ARHGAP21: variants seen among roughly 807,000 people sequenced by gnomAD.
The protein encoded by ARHGAP21 is rho GTPase-activating protein 21.
A neutral mutation model predicts 164.6 loss-of-function variants in ARHGAP21; 38 were observed. The observed-to-expected ratio is 0.23, with a 90% CI of 0.18 to 0.30. The LOEUF (loss-of-function observed/expected upper bound fraction) is 0.30, where lower values mean the gene tolerates loss of function less well. ARHGAP21 is among the 10% of genes least tolerant of loss of function. The pLI is 1.00. For synonymous variants in ARHGAP21, 766 were observed against 857.9 expected (o/e 0.89, Z 1.87); for missense variants, 1,822 against 2,370.7 (o/e 0.77, Z 4.81).
chr10:24,587,339 C>CCACA, intron 25 of ARHGAP21, among the ~76,000 whole-genome samples: 1 of 152,060 alleles, frequency 6.6e-6, no homozygotes, highest in African/African-American at 2.4e-5. Context: ...TGCTGGTTTA[C>CCACA]CACACACTTT....
chr10:24,617,937 T>C (rs1035152411), intron 9 of ARHGAP21, among the ~76,000 whole-genome samples: 3 of 152,116 alleles, frequency 2.0e-5, no homozygotes, highest in Non-Finnish European at 4.4e-5. Context: ...AGCCCCTGCA[T>C]CGCATGCCTC....
At chr10:24,683,095 CAAAAA>C (rs200968718) in intron 2 of ARHGAP21, among the ~76,000 whole-genome samples, 36,741 of 88,718 alleles carry the variant, frequency 0.41, 5,412 homozygotes, top group African/African-American at 0.55. Flanking sequence ...AACTCCATCT[CAAAAA>C]AAAAAAAAAA....
intron 5 of ARHGAP21, among the ~76,000 whole-genome samples, chr10:24,634,296 T>C (rs1425448742): frequency 6.6e-6 from 1 of 152,162 alleles, no homozygotes. Flanking sequence ...ATCTTAGCAA[T>C]GATGTCCACT....
At chr10:24,662,627 T>A (rs1273154978) in intron 4 of ARHGAP21, among the ~76,000 whole-genome samples, 11 of 152,240 alleles carry the variant, frequency 7.2e-5, no homozygotes, top group Admixed American at 7.2e-4. Flanking sequence ...GTATTATAAA[T>A]CACTTTCTCC....
At position 24,653,312 on chromosome 10, in the gene ARHGAP21, C is replaced by T. The variant is rs574043890; in HGVS notation, c.268+13673G>A. Among the ~76,000 whole-genome samples, 545 of 152,200 alleles carry T rather than the reference C, an allele frequency of 3.6e-3. 4 individuals are homozygous for T. The highest frequency in any genetic ancestry group is 0.02 in the Middle Eastern group (6 of 294). ...GGTCTTGGCCAGGCGCAGTGGCTCA[C>T]GCCTGTAATCCCAGCACTTTGGGAG... is the stretch of plus-strand genomic sequence containing the variant. On this transcript the variant is annotated intron_variant, in intron 4 of 25. Coordinates refer to ENST00000396432, the MANE Select transcript of ARHGAP21 (RefSeq NM_020824.4).
chr10:24,597,576 C>G lies in ARHGAP21; in HGVS notation c.3205G>C (p.Glu1069Gln), dbSNP rs754805809. The G allele has an allele frequency of 6.2e-7, 1 of 1,613,904 alleles. No homozygotes were observed. The highest frequency in any genetic ancestry group is 8.5e-7 in the Non-Finnish European group (1 of 1,179,934). Reference sequence around the variant, plus strand: ...TGGCGAGGTGTTTTTGGCAACTGTTCTGCTTTGCTGTTGAAGGAAATGACA... The same window carrying G: ...TGGCGAGGTGTTTTTGGCAACTGTTGTGCTTTGCTGTTGAAGGAAATGACA... ...KEYNNLMSKA[E>Q]QLPKTPRQSL... The change falls in exon 16 of 26, where the codon GAA (glutamate) becomes CAA (glutamine). Residue 1069 changes from glutamate (E) to glutamine (Q), a missense_variant. Around this residue, in one of 5 missense-constraint regions of ARHGAP21, gnomAD observed 1,090 missense variants for 1,378.9 expected, o/e 0.79. Coordinates refer to ENST00000396432, the MANE Select transcript of ARHGAP21 (RefSeq NM_020824.4).
chr10:24,589,164 C>T (rs2076229512), intron 25 of ARHGAP21, 107 bp downstream of exon 25: 2 of 933,602 alleles, frequency 2.1e-6, no homozygotes, highest in Non-Finnish European at 3.4e-6. Context: ...TACTTTGTTG[C>T]TCTGTCTCAT....
chr10:24,688,986 G>T (rs1842467630), intron 2 of ARHGAP21, among the ~76,000 whole-genome samples: 1 of 152,092 alleles, frequency 6.6e-6, no homozygotes, highest in African/African-American at 2.4e-5. Flanking sequence ...GAGCTGCTCT[G>T]CTTGGGAGAG....
chr10:24,667,796 G>A, intron 3 of ARHGAP21, among the ~76,000 whole-genome samples: 1 of 151,464 alleles, frequency 6.6e-6, no homozygotes, highest in Admixed American at 6.6e-5. Flanking sequence ...TCTAGTCTGA[G>A]ACTGAGGTTG....
chr10:24,704,932 C>T (rs1359570926), intron 2 of ARHGAP21, among the ~76,000 whole-genome samples: 1 of 152,108 alleles, frequency 6.6e-6, no homozygotes, highest in African/African-American at 2.4e-5. Flanking sequence ...AACTAAATGG[C>T]TGATTATCAG....
chr10:24,697,896 G>A (rs559520784), intron 2 of ARHGAP21, among the ~76,000 whole-genome samples: 27 of 152,010 alleles, frequency 1.8e-4, no homozygotes, highest in South Asian at 4.2e-4. Context: ...AAAAAAACCC[G>A]ATGAGCTGAA....
Position 24,615,114 on chromosome 10 carries a change from C to T in ARHGAP21, c.2422+4359G>A, listed in dbSNP as rs537698685. Among the ~76,000 whole-genome samples the T allele has an allele frequency of 5.3e-5, 8 of 151,976 alleles. No homozygotes were observed. In the East Asian group the frequency reaches 9.7e-4, roughly 18 times the overall value. On this transcript the variant is annotated intron_variant, in intron 9 of 25. Coordinates refer to ENST00000396432, the MANE Select transcript of ARHGAP21 (RefSeq NM_020824.4). ...CTGAGGCAGGAGAATCACTTGAACC[C>T]GGGAGGCGGAGGTTGCAGTGAGCTG...
chr10:24,704,978 A>G (rs1365663936), intron 2 of ARHGAP21, among the ~76,000 whole-genome samples: 5 of 152,192 alleles, frequency 3.3e-5, no homozygotes, highest in African/African-American at 1.2e-4. Context: ...CAACAATCCT[A>G]GCAAAAAACC....
At chr10:24,587,467 A>C (rs1233439536) in intron 25 of ARHGAP21, among the ~76,000 whole-genome samples, 1 of 107,732 alleles carries the variant, frequency 9.3e-6, no homozygotes, top group Middle Eastern at 5.3e-3. Flanking sequence ...TTAAAGTAAA[A>C]ATTTAGGCTG....
At chr10:24,688,290 G>A (rs928799693) in intron 2 of ARHGAP21, among the ~76,000 whole-genome samples, 2 of 152,142 alleles carry the variant, frequency 1.3e-5, no homozygotes, top group Admixed American at 1.3e-4. Context: ...TACTCAGGAG[G>A]CTGGGGCAGG....
At chr10:24,690,658 G>C (rs1458289659) in intron 2 of ARHGAP21, among the ~76,000 whole-genome samples, 1 of 151,818 alleles carries the variant, frequency 6.6e-6, no homozygotes, top group African/African-American at 2.4e-5. Context: ...GTGAAACCCT[G>C]TCTCTACTAA....
chr10:24,585,967 A>T lies in ARHGAP21; in HGVS notation c.4322T>A (p.Phe1441Tyr). 6.2e-7 allele frequency: 1 copy of T among 1,614,172 alleles called. No individual in the cohort carries two copies. Among genetic ancestry groups the T allele is most frequent in the Non-Finnish European group, 8.5e-7 (1 of 1,180,042 alleles). ...SSSEDELDNV[F>Y]FKKENVEQCH... ...CTGTTCCACATTTTCTTTCTTAAAA[A>T]ATACATTGTCCAGTTCATCTTCTGA... is the stretch of plus-strand genomic sequence containing the variant. The change falls in exon 26 of 26, where the codon TTT (phenylalanine) becomes TAT (tyrosine). Residue 1441 changes from phenylalanine to tyrosine, a missense_variant. Physicochemically the swap from Phe to Tyr is conservative, Grantham distance 22. Transcript: ENST00000396432.
chr10:24,585,978 C>T lies in ARHGAP21; in HGVS notation c.4311G>A (p.Leu1437=). ...KAQPSSSEDE[L]DNVFFKKENV... is the part of the protein sequence containing the mutation. ...TTTCTTTCTTAAAAAATACATTGTC[C>T]AGTTCATCTTCTGAGCTGCTAGGCT... Residue 1437 remains leucine (L), a synonymous_variant, in exon 26 of 26, where the codon CTG becomes CTA. Coordinates refer to ENST00000396432, the MANE Select transcript of ARHGAP21 (RefSeq NM_020824.4). 1 of 1,614,064 alleles carries T rather than the reference C, an allele frequency of 6.2e-7. No homozygotes were observed. The highest frequency in any genetic ancestry group is 8.5e-7 in the Non-Finnish European group (1 of 1,180,022).
At chr10:24,680,972 C>G (rs1315260187) in intron 2 of ARHGAP21, among the ~76,000 whole-genome samples, 1 of 152,082 alleles carries the variant, frequency 6.6e-6, no homozygotes, top group Non-Finnish European at 1.5e-5. Flanking sequence ...GACTTCATAA[C>G]AAGGTCATTT....
Sources: gnomAD v4.1 joint callset for allele counts (sites outside exome capture counted in the v4.1 genomes callset) on GRCh38, gnomAD v4.1.1 for gene constraint, gnomAD v4.1.1 regional missense constraint, MANE v1.5 for transcripts, NCBI Gene and HGNC (gene_info 2026-07-23, HGNC 2026-07-21) for gene names.